UBE2U: variants seen among roughly 807,000 people sequenced by gnomAD.
UBE2U encodes the protein ubiquitin conjugating enzyme E2 U.
Under a neutral mutation model 41.2 loss-of-function variants are expected in UBE2U, and 39 were observed. That is an observed-to-expected ratio of 0.95 (90% CI 0.73 to 1.24). The LOEUF is 1.24. Among genes scored for constraint, UBE2U ranks in the 50% most tolerant of loss-of-function variants. The probability of loss-of-function intolerance (pLI) is 0.00; values close to 1 mark genes in which losing one functional copy is unlikely to be tolerated. For missense variants in UBE2U, 336 were observed against 363.1 expected, an observed-to-expected ratio of 0.93 and a Z score of 0.61; for synonymous variants, 107 against 117.8, an observed-to-expected ratio of 0.91 and a Z score of 0.60.
chr1:64,243,511 G>A (rs1342823235), intron 8 of UBE2U, among the ~76,000 whole-genome samples: 2 of 152,102 alleles, frequency 1.3e-5, no homozygotes, highest in Non-Finnish European at 2.9e-5. Flanking sequence ...GGTCTATATT[G>A]TGCATGCCAT....
intron 6 of UBE2U, among the ~76,000 whole-genome samples, chr1:64,229,305 G>T (rs185360008): frequency 1.3e-5 from 2 of 152,270 alleles, no homozygotes; most frequent in East Asian, 3.9e-4. Flanking sequence ...AGAGCTAGGG[G>T]TAGAAAAACT....
chr1:64,250,501 G>A (rs182406023), intron 8 of UBE2U, among the ~76,000 whole-genome samples: 1 of 152,218 alleles, frequency 6.6e-6, no homozygotes, highest in East Asian at 1.9e-4. Flanking sequence ...ACCAAAGACA[G>A]TATACGAAAA....
At chr1:64,217,279 C>T (rs529085308) in intron 5 of UBE2U, among the ~76,000 whole-genome samples, 1 of 152,052 alleles carries the variant, frequency 6.6e-6, no homozygotes, top group East Asian at 1.9e-4. Flanking sequence ...AAAGCTCTGG[C>T]GCCAAGAATT....
chr1:64,250,505 A>G (rs927894635), intron 8 of UBE2U, among the ~76,000 whole-genome samples: 2 of 152,146 alleles, frequency 1.3e-5, no homozygotes, highest in Admixed American at 6.5e-5. Flanking sequence ...AAGACAGTAT[A>G]CGAAAACTAC....
chr1:64,260,459 G>A, intron 8 of UBE2U, 144 bp from the exon 9 acceptor site: 1 of 579,820 alleles, frequency 1.7e-6, no homozygotes, highest in Non-Finnish European at 2.9e-6. Flanking sequence ...CATTAAATTA[G>A]TCAAGACTCA....
At chr1:64,205,831 T>C (rs1186717772) in intron 2 of UBE2U, 111 bp downstream of exon 2, 2 of 731,072 alleles carry the variant, frequency 2.7e-6, no homozygotes, top group African/African-American at 3.6e-5. Flanking sequence ...CTGAAATTCT[T>C]CTTCATATGC....
At chr1:64,228,536 T>G (rs1653037835) in intron 6 of UBE2U, among the ~76,000 whole-genome samples, 1 of 152,086 alleles carries the variant, frequency 6.6e-6, no homozygotes, top group Non-Finnish European at 1.5e-5. Flanking sequence ...TGATGGAGCC[T>G]CTGGATGTGG....
At chr1:64,258,641 G>C (rs1385000962) in intron 8 of UBE2U, among the ~76,000 whole-genome samples, 1 of 152,188 alleles carries the variant, frequency 6.6e-6, no homozygotes, top group Non-Finnish European at 1.5e-5. Context: ...TCCCTGCAAA[G>C]GACATGAACT....
chr1:64,233,151 G>T (rs963342835), intron 7 of UBE2U, among the ~76,000 whole-genome samples: 30 of 152,036 alleles, frequency 2.0e-4, no homozygotes, highest in Admixed American at 1.0e-3. Context: ...GGGACTACAG[G>T]TGTCTGCCAC....
intron 9 of UBE2U, among the ~76,000 whole-genome samples, chr1:64,266,336 T>C (rs1434274264): frequency 6.6e-6 from 1 of 152,200 alleles, no homozygotes; most frequent in African/African-American, 2.4e-5. Flanking sequence ...ACTTTCTGTA[T>C]ACTATAACAT....
At chr1:64,231,489 C>T (rs1644564774) in intron 6 of UBE2U, among the ~76,000 whole-genome samples, 1 of 152,164 alleles carries the variant, frequency 6.6e-6, no homozygotes, top group South Asian at 2.1e-4. Flanking sequence ...GCATGCGGCT[C>T]TGGAAGCAAT....
chr1:64,235,458 AGCTGGATGAG>A (rs1348908480), intron 7 of UBE2U, among the ~76,000 whole-genome samples: 3 of 152,220 alleles, frequency 2.0e-5, no homozygotes, highest in African/African-American at 7.2e-5. Flanking sequence ...TTGATAGTTC[AGCTGGATGAG>A]ATCCAACACT....
At chr1:64,243,405 G>A (rs554820120) in intron 8 of UBE2U, among the ~76,000 whole-genome samples, 11 of 152,204 alleles carry the variant, frequency 7.2e-5, no homozygotes, top group South Asian at 2.1e-4. Flanking sequence ...ATTATCAAAA[G>A]TCTTGTGTTC....
intron 8 of UBE2U, among the ~76,000 whole-genome samples, chr1:64,257,443 G>A (rs191114229): frequency 1.7e-4 from 26 of 152,278 alleles, no homozygotes; most frequent in Non-Finnish European, 1.5e-4. Flanking sequence ...AAAAAAGAAC[G>A]AGATCATGTC....
chr1:64,218,121 C>T (rs564520894), intron 5 of UBE2U, among the ~76,000 whole-genome samples: 10 of 152,038 alleles, frequency 6.6e-5, no homozygotes, highest in African/African-American at 2.2e-4. Flanking sequence ...TTGTGGGTGT[C>T]GGGGGAACAC....
chr1:64,252,162 G>C (rs560230265), intron 8 of UBE2U, among the ~76,000 whole-genome samples: 1 of 152,132 alleles, frequency 6.6e-6, no homozygotes, highest in East Asian at 1.9e-4. Context: ...TTCTTTAAGC[G>C]AGATCCCAGT....
Position 64,210,834 on chromosome 1 carries a change from CT to C in UBE2U, c.335del (p.Leu112HisfsTer10), listed in dbSNP as rs1651620985. 1.3e-6 allele frequency: 2 copies of C among 1,595,324 alleles called. No homozygotes were observed. The highest frequency in any genetic ancestry group is 2.7e-5 in the African/African-American group (2 of 74,222). ...TACATTGAGCAGCATCTTACTTGCC[CT>C]ACAGGTAAGAATGGATTTCATATAA... ...NYTLSSILLALQVMLSNPVLE... is the reference protein window; with the variant it reads ...NYTLSSILLAXQVMLSNPVLE... On this transcript the variant is annotated frameshift_variant, in exon 4 of 10. Coordinates refer to ENST00000371077, the MANE Select transcript of UBE2U (RefSeq NM_001366232.2). LOFTEE classifies it high-confidence loss of function.
chr1:64,222,262 A>C (rs998965729), intron 6 of UBE2U, among the ~76,000 whole-genome samples: 5 of 152,296 alleles, frequency 3.3e-5, no homozygotes, highest in African/African-American at 1.2e-4. Context: ...CCTGGCATAA[A>C]ATAGGCCTAT....
chr1:64,239,168 A>AGAAGAAGAAGAG (rs1644777523), intron 7 of UBE2U, among the ~76,000 whole-genome samples: 6 of 72,262 alleles, frequency 8.3e-5, no homozygotes, highest in Non-Finnish European at 8.3e-5. Flanking sequence ...AAGAAGAAGA[A>AGAAGAAGAAGAG]GAAGAAGAAG....
Sources: gnomAD v4.1 joint callset for allele counts (sites outside exome capture counted in the v4.1 genomes callset) on GRCh38, gnomAD v4.1.1 for gene constraint, MANE v1.5 for transcripts, NCBI Gene and HGNC (gene_info 2026-07-23, HGNC 2026-07-21) for gene names.